The following NRG3 variants were observed in gnomAD, a reference collection of about 807,000 sequenced individuals.
The protein encoded by NRG3 is pro-neuregulin-3, membrane-bound isoform.
NRG3 carries 31 observed loss-of-function variants against 66.9 expected under a neutral mutation model. That is an observed-to-expected ratio of 0.46 (90% CI 0.35 to 0.63). The LOEUF (loss-of-function observed/expected upper bound fraction) is 0.63. Among genes scored for constraint, NRG3 ranks in the 20% least tolerant of loss-of-function variants. The pLI is 0.00. For synonymous variants in NRG3, 393 were observed against 359.4 expected (o/e 1.09, Z -1.06); for missense variants, 910 against 878.9 (o/e 1.04, Z -0.45).
At chr10:81,929,994 G>T (rs1475438982) in intron 1 of NRG3, among the ~76,000 whole-genome samples, 3 of 152,246 alleles carry the variant, frequency 2.0e-5, no homozygotes, top group South Asian at 4.2e-4. Flanking sequence ...AGAGACTTTC[G>T]CACTATATCC....
At chr10:82,372,082 G>T (rs1050141115) in intron 2 of NRG3, among the ~76,000 whole-genome samples, 2 of 152,134 alleles carry the variant, frequency 1.3e-5, no homozygotes, top group East Asian at 3.9e-4. Context: ...AAGCCAGGAC[G>T]GGCTTCAGAG....
At chr10:82,349,133 G>C (rs1160066249) in intron 1 of NRG3, among the ~76,000 whole-genome samples, 81 of 151,986 alleles carry the variant, frequency 5.3e-4, no homozygotes, top group Admixed American at 5.2e-3. Context: ...TGGAGGAGGA[G>C]AGGCGCTCTG....
intron 4 of NRG3, among the ~76,000 whole-genome samples, chr10:82,927,492 CT>C (rs1847122633): frequency 6.6e-6 from 1 of 152,114 alleles, no homozygotes; most frequent in East Asian, 1.9e-4. Context: ...TATCCCTCCC[CT>C]GGCCCCCACC....
intron 2 of NRG3, among the ~76,000 whole-genome samples, chr10:82,593,392 G>T (rs2133329475): frequency 6.6e-6 from 1 of 152,238 alleles, no homozygotes; most frequent in Non-Finnish European, 1.5e-5. Context: ...TTGAGATTAT[G>T]GTAGAAATGT....
intron 3 of NRG3, among the ~76,000 whole-genome samples, chr10:82,820,137 A>G (rs2061885992): frequency 6.6e-6 from 1 of 152,192 alleles, no homozygotes; most frequent in Admixed American, 6.5e-5. Flanking sequence ...AGAAGAGTGG[A>G]GTGATTCTTC....
intron 1 of NRG3, among the ~76,000 whole-genome samples, chr10:82,097,835 A>T (rs1590099717): frequency 6.6e-6 from 1 of 152,028 alleles, no homozygotes; most frequent in African/African-American, 2.4e-5. Flanking sequence ...TGTGGTTTTA[A>T]TTTACATTTG....
chr10:82,117,326 G>A (rs983561887), intron 1 of NRG3, among the ~76,000 whole-genome samples: 26 of 151,990 alleles, frequency 1.7e-4, no homozygotes, highest in African/African-American at 5.8e-4. Flanking sequence ...CATCTTTCCT[G>A]TTCCCAATCT....
At position 82,237,525 on chromosome 10, in the gene NRG3, C is replaced by CTTCATTCA. The variant is rs533891220; in HGVS notation, c.824-121196_824-121189dup. 8.6e-3 allele frequency among the ~76,000 whole-genome samples: 1,302 copies of CTTCATTCA among 151,796 alleles called. 11 individuals carry two copies. Among genetic ancestry groups the CTTCATTCA allele is most frequent in the African/African-American group, 0.029 (1,218 of 41,378 alleles). On this transcript the variant is annotated intron_variant, in intron 1 of 8. Transcript: ENST00000372141. ...CTCTGTGAAGGCTGAACTATGTCTACTTCATTCATTCATTCATTCATTCAT... is the reference window on the plus strand; with the variant it reads ...CTCTGTGAAGGCTGAACTATGTCTACTTCATTCATTCATTCATTCATTCATTCATTCAT...
At chr10:82,152,037 G>A (rs1228412343) in intron 1 of NRG3, among the ~76,000 whole-genome samples, 1 of 152,136 alleles carries the variant, frequency 6.6e-6, no homozygotes. Context: ...TGGAAATCAG[G>A]TGTTGGCAAA....
chr10:82,759,923 ACT>A (rs1199477745), intron 3 of NRG3, among the ~76,000 whole-genome samples: 1 of 152,024 alleles, frequency 6.6e-6, no homozygotes, highest in East Asian at 1.9e-4. Context: ...CAAAGAGGAA[ACT>A]CTATGGGTTC....
At chr10:82,740,324 A>G (rs888683546) in intron 3 of NRG3, among the ~76,000 whole-genome samples, 1 of 151,870 alleles carries the variant, frequency 6.6e-6, no homozygotes, top group Non-Finnish European at 1.5e-5. Context: ...ACAAAGGGCA[A>G]GGTCTTGCAT....
chr10:82,438,035 A>C (rs930769706), intron 2 of NRG3, among the ~76,000 whole-genome samples: 3 of 152,168 alleles, frequency 2.0e-5, no homozygotes, highest in Admixed American at 6.5e-5. Flanking sequence ...GTTGGGTAGG[A>C]TGGGGAACAG....
At chr10:82,298,697 C>T (rs753604519) in intron 1 of NRG3, among the ~76,000 whole-genome samples, 1 of 152,132 alleles carries the variant, frequency 6.6e-6, no homozygotes, top group Non-Finnish European at 1.5e-5. Flanking sequence ...AACTCCATTC[C>T]TTTCTTTCAT....
intron 1 of NRG3, among the ~76,000 whole-genome samples, chr10:82,341,307 G>A (rs562893600): frequency 1.2e-4 from 19 of 152,174 alleles, no homozygotes; most frequent in Middle Eastern, 3.4e-3. Flanking sequence ...CCAAAACTCA[G>A]CACGGTTGGA....
At chr10:82,795,781 T>C (rs796384656) in intron 3 of NRG3, among the ~76,000 whole-genome samples, 17 of 152,276 alleles carry the variant, frequency 1.1e-4, no homozygotes, top group African/African-American at 4.1e-4. Context: ...TCTCTTGTTT[T>C]CAGGAAAGAT....
At chr10:82,476,207 AC>A (rs777330411) in intron 2 of NRG3, among the ~76,000 whole-genome samples, 6 of 152,174 alleles carry the variant, frequency 3.9e-5, no homozygotes, top group Admixed American at 6.5e-5. Flanking sequence ...AAAACAAAAA[AC>A]AAGTTTTGGT....
intron 1 of NRG3, among the ~76,000 whole-genome samples, chr10:82,221,986 T>C (rs968433771): frequency 6.6e-6 from 1 of 151,850 alleles, no homozygotes; most frequent in African/African-American, 2.4e-5. Flanking sequence ...CCCTGCTTTC[T>C]TCTGCTTGCA....
chr10:82,845,236 C>T (rs1319911120), intron 3 of NRG3, among the ~76,000 whole-genome samples: 1 of 152,174 alleles, frequency 6.6e-6, no homozygotes, highest in Non-Finnish European at 1.5e-5. Flanking sequence ...GTAGTGGTGC[C>T]TCATACAGGA....
chr10:82,882,483 C>G (rs1440871500), intron 4 of NRG3, among the ~76,000 whole-genome samples: 1 of 152,126 alleles, frequency 6.6e-6, no homozygotes, highest in African/African-American at 2.4e-5. Context: ...GACAAGCAAA[C>G]AACATTATAG....
Sources: gnomAD v4.1 joint callset for allele counts (sites outside exome capture counted in the v4.1 genomes callset) on GRCh38, gnomAD v4.1.1 for gene constraint, MANE v1.5 for transcripts, NCBI Gene and HGNC (gene_info 2026-07-23, HGNC 2026-07-21) for gene names.